PRDM13: variants seen among roughly 807,000 people sequenced by gnomAD.
PRDM13 encodes PR/SET domain 13.
A neutral mutation model predicts 36.4 loss-of-function variants in PRDM13; 15 were observed. The ratio of observed to expected loss-of-function variants is 0.41; its 90% CI spans 0.28 to 0.64. The LOEUF (loss-of-function observed/expected upper bound fraction) is 0.64. Ranked by LOEUF, PRDM13 falls within the 30% of genes least tolerant of loss-of-function variation. The probability of loss-of-function intolerance (pLI) is 0.29; values close to 1 mark genes in which losing one functional copy is unlikely to be tolerated. For synonymous variants in PRDM13, 531 were observed against 467.7 expected (o/e 1.14, Z -1.75); for missense variants, 1,044 against 1,013.5 (o/e 1.03, Z -0.41).
Position 99,614,639 on chromosome 6 carries a change from C to T in PRDM13, c.2004C>T (p.Ala668=), listed in dbSNP as rs564312646. 2 of 1,612,364 alleles carry T rather than the reference C, an allele frequency of 1.2e-6. No homozygotes were observed. The highest frequency in any genetic ancestry group is 1.3e-5 in the African/African-American group (1 of 75,042). The change falls in exon 4 of 4, where the codon GCC becomes GCT. Residue 668 remains alanine, a synonymous_variant. Coordinates refer to ENST00000369215, the MANE Select transcript of PRDM13 (RefSeq NM_021620.4). ...CCAAAGCGGGCGACGGCCCGGGTGC[C>T]GAGCCCGGCTATCCCCCGGAGCCTG... is the stretch of plus-strand genomic sequence containing the variant. ...LLAKAGDGPG[A]EPGYPPEPGD...
intron 1 of PRDM13, among the ~76,000 whole-genome samples, chr6:99,608,398 T>G (rs946666127): frequency 6.6e-6 from 1 of 152,188 alleles, no homozygotes; most frequent in Non-Finnish European, 1.5e-5. Context: ...GTGTTACGGC[T>G]GCTCTCAGAA....
chr6:99,614,514 A>C lies in PRDM13; in HGVS notation c.1879A>C (p.Asn627His), dbSNP rs542552328. Residue 627 changes from asparagine to histidine, a missense_variant, in exon 4 of 4, where the codon AAT becomes CAT. Coordinates refer to ENST00000369215, the MANE Select transcript of PRDM13 (RefSeq NM_021620.4). The stretch of plus-strand genomic sequence containing the variant: ...GCACATCCGGCTGCACGCCGAGGGC[A>C]ATACGCCCTACCGCTGCGAGTTCTG... ...NKHIRLHAEGNTPYRCEFCGK... is the reference protein window; with the variant it reads ...NKHIRLHAEGHTPYRCEFCGK... 10 of 1,613,242 alleles carry C rather than the reference A, an allele frequency of 6.2e-6. No homozygotes were observed. The highest frequency in any genetic ancestry group is 8.5e-6 in the Non-Finnish European group (10 of 1,179,998).
In PRDM13 at chr6:99,613,597, G is replaced by C; in HGVS notation, c.962G>C (p.Gly321Ala). 6.7e-7 allele frequency: 1 copy of C among 1,493,106 alleles called. No homozygotes were observed. The highest frequency in any genetic ancestry group is 1.3e-5 in the South Asian group (1 of 79,696). 92.5% of individuals were successfully genotyped at this position (1,493,106 alleles called of 1,614,324 possible). Residue 321 changes from glycine to alanine, a missense_variant, in exon 4 of 4, where the codon GGA becomes GCA. Transcript: ENST00000369215. This position sits in a 1 kb window ranked among gnomAD's most constrained non-coding sequence, Gnocchi z 6.1. ...PYREESSSKQGAGLALGRLLG... is the reference protein window; with the variant it reads ...PYREESSSKQAAGLALGRLLG... The stretch of plus-strand genomic sequence containing the variant: ...CGGGAGGAGAGCAGCAGCAAGCAAG[G>C]AGCCGGCCTCGCTTTGGGCAGGCTG...
chr6:99,613,079 C>A lies in PRDM13; in HGVS notation c.444C>A (p.Tyr148Ter), dbSNP rs1770055109. The change falls in exon 4 of 4, where the codon TAC becomes TAA. Residue 148 changes from tyrosine (Y) to a stop codon, truncating the protein, a stop_gained. Coordinates refer to ENST00000369215, the MANE Select transcript of PRDM13 (RefSeq NM_021620.4). LOFTEE classifies it low-confidence loss of function (END_TRUNC). The surrounding 1 kb of genome is among the most constrained non-coding windows in gnomAD (Gnocchi z 6.1). ...GGTACTGCTGGAGGACGTTTAGATA[C>A]CCCAACAGCCTTAAGGCACACCTGC... Reference protein sequence around the residue: ...ICWYCWRTFRYPNSLKAHLRF... With the variant: ...ICWYCWRTFR The A allele has an allele frequency of 1.3e-6, 2 of 1,524,626 alleles. No homozygotes were observed. Among genetic ancestry groups the A allele is most frequent in the South Asian group, 1.1e-5 (1 of 89,918 alleles). The allele number at this position is 1,524,626 out of a possible 1,614,324, so 94.4% of individuals were successfully genotyped here. A position where few individuals can be genotyped will look rare whatever the true frequency, so the allele number is the denominator to read the frequency against.
chr6:99,614,957 A>T lies in PRDM13; in HGVS notation c.*198A>T, dbSNP rs904715562. ...CAGAGCAACAGTTCAGAGGTGGCGT[A>T]AATCTGGCCACCTGGAGAGCTCGAG... On this transcript the variant is annotated 3_prime_UTR_variant, in exon 4 of 4. Coordinates refer to ENST00000369215, the MANE Select transcript of PRDM13 (RefSeq NM_021620.4). 1.3e-6 allele frequency: 1 copy of T among 764,334 alleles called. No homozygotes were observed. Among genetic ancestry groups the T allele is most frequent in the Non-Finnish European group, 2.0e-6 (1 of 496,644 alleles). The allele number at this position is 764,334 out of a possible 1,614,324, so 47.3% of individuals were successfully genotyped here.
intron 1 of PRDM13, among the ~76,000 whole-genome samples, chr6:99,608,213 C>T (rs747616858): frequency 2.6e-5 from 4 of 152,214 alleles, no homozygotes; most frequent in Non-Finnish European, 5.9e-5. Context: ...AATGGCCTGC[C>T]AGCTGCGGGC....
rs1473325295 is a variant in PRDM13, at chr6:99,614,645, C to G, written c.2010C>G (p.Pro670=). The change falls in exon 4 of 4, where the codon CCC becomes CCG. Residue 670 remains proline (P), a synonymous_variant. Coordinates refer to ENST00000369215, the MANE Select transcript of PRDM13 (RefSeq NM_021620.4). Reference sequence around the variant, plus strand: ...CGGGCGACGGCCCGGGTGCCGAGCCCGGCTATCCCCCGGAGCCTGGGGATC... The same window carrying G: ...CGGGCGACGGCCCGGGTGCCGAGCCGGGCTATCCCCCGGAGCCTGGGGATC... ...AKAGDGPGAE[P]GYPPEPGDPK... The G allele has an allele frequency of 1.2e-6, 2 of 1,612,352 alleles. No individual in the cohort carries two copies. The highest frequency in any genetic ancestry group is 1.3e-5 in the African/African-American group (1 of 75,046).
intron 2 of PRDM13, 61 bp from the exon 3 acceptor site, chr6:99,609,126 G>C: frequency 6.3e-7 from 1 of 1,583,054 alleles, no homozygotes; most frequent in Non-Finnish European, 8.6e-7. Flanking sequence ...TTTCTTCTCA[G>C]TTGCTTTTTG....
At chr6:99,609,006 C>A in intron 2 of PRDM13, 134 bp downstream of exon 2, 1 of 1,412,372 alleles carries the variant, frequency 7.1e-7, no homozygotes, top group Admixed American at 2.5e-5. Flanking sequence ...CTCGACAACC[C>A]TTTAAGGTAG....
intron 1 of PRDM13, among the ~76,000 whole-genome samples, chr6:99,607,800 C>T (rs1769970699): frequency 6.6e-6 from 1 of 152,172 alleles, no homozygotes; most frequent in Non-Finnish European, 1.5e-5. Flanking sequence ...CCCATTCGCG[C>T]GGGGCACAGG....
rs113426972 is a variant in PRDM13, at chr6:99,609,870, G to A, written c.397+563G>A. ...CACTGCATGCCAGCCTGGGTGACAA[G>A]TGAGACCCTGTCTCAAAATAAATAA... On this transcript the variant is annotated intron_variant, in intron 3 of 3. Transcript: ENST00000369215. 2.5e-3 allele frequency among the ~76,000 whole-genome samples: 374 copies of A among 151,612 alleles called. 2 individuals are homozygous for A. Among genetic ancestry groups the A allele is most frequent in the African/African-American group, 8.4e-3 (346 of 41,136 alleles).
chr6:99,607,118 T>C lies in PRDM13; in HGVS notation c.84T>C (p.Pro28=), dbSNP rs746668812. ...IPAGLRLGPV[P]GTFKLGKYLS... is the part of the protein sequence containing the mutation. ...CCGGCTTGCGCCTCGGACCGGTGCC[T>C]GGTACCTTCAAGCTGGGCAAGTACC... The change falls in exon 1 of 4, where the codon CCT becomes CCC. Residue 28 remains proline (P), a synonymous_variant. Coordinates refer to ENST00000369215, the MANE Select transcript of PRDM13 (RefSeq NM_021620.4). 4.3e-6 allele frequency: 7 copies of C among 1,613,730 alleles called. No individual in the cohort carries two copies. The highest frequency in any genetic ancestry group is 5.1e-6 in the Non-Finnish European group (6 of 1,180,026).
In PRDM13 at chr6:99,613,425, G is replaced by A. The variant is rs1770066390; in HGVS notation, c.790G>A (p.Ala264Thr). The change falls in exon 4 of 4, where the codon GCC (alanine) becomes ACC (threonine). Residue 264 changes from alanine to threonine, a missense_variant. Coordinates refer to ENST00000369215, the MANE Select transcript of PRDM13 (RefSeq NM_021620.4). The surrounding 1 kb of genome is among the most constrained non-coding windows in gnomAD (Gnocchi z 6.1). Reference sequence around the variant, plus strand: ...GGACCGTGCCCTGGACATGAGCGGAGCCGCCCGAGGACAAGGGCACTTCCT... The same window carrying A: ...GGACCGTGCCCTGGACATGAGCGGAACCGCCCGAGGACAAGGGCACTTCCT... ...QLDRALDMSG[A>T]ARGQGHFLGI... 3.2e-6 allele frequency: 5 copies of A among 1,552,168 alleles called. No homozygotes were observed. Among genetic ancestry groups the A allele is most frequent in the Non-Finnish European group, 4.3e-6 (5 of 1,156,964 alleles).
rs752925492 is a variant in PRDM13, at chr6:99,607,153, G to A, written c.119G>A (p.Arg40His). 6 of 1,613,804 alleles carry A rather than the reference G, an allele frequency of 3.7e-6. No homozygotes were observed. Among genetic ancestry groups the A allele is most frequent in the Middle Eastern group, 1.6e-4 (1 of 6,062 alleles). The change falls in exon 1 of 4, where the codon CGC becomes CAC. Residue 40 changes from arginine (R) to histidine (H), a missense_variant. Arg to His is a conservative substitution (Grantham distance 29). Around this residue, in one of 3 missense-constraint regions of PRDM13, gnomAD observed 921 missense variants for 865.2 expected, o/e 1.06. Transcript: ENST00000369215. The stretch of plus-strand genomic sequence containing the variant: ...AAGCTGGGCAAGTACCTGTCAGACC[G>A]CAGGGAGCCCGGGCCTAAGAAAAAG... ...TFKLGKYLSD[R>H]REPGPKKKVR...
At position 99,614,159 on chromosome 6, in the gene PRDM13, C is replaced by T; in HGVS notation, c.1524C>T (p.Ser508=). 6.2e-7 allele frequency: 1 copy of T among 1,600,784 alleles called. No individual in the cohort carries two copies. Residue 508 remains serine, a synonymous_variant, in exon 4 of 4, where the codon AGC becomes AGT. Coordinates refer to ENST00000369215, the MANE Select transcript of PRDM13 (RefSeq NM_021620.4). ...YFSGPAAAAL[S]PAELGSLASI... ...GCGGGCCTGCAGCGGCCGCCCTAAGCCCCGCCGAGCTGGGGTCGCTGGCCA... is the reference window on the plus strand; with the variant it reads ...GCGGGCCTGCAGCGGCCGCCCTAAGTCCCGCCGAGCTGGGGTCGCTGGCCA...
At position 99,609,215 on chromosome 6, in the gene PRDM13, A is replaced by C. The variant is rs1399457357; in HGVS notation, c.305A>C (p.Gln102Pro). The change falls in exon 3 of 4, where the codon CAG becomes CCG. Residue 102 changes from glutamine to proline, a missense_variant. By Grantham distance (76) the Gln-to-Pro change is moderately conservative. Coordinates refer to ENST00000369215, the MANE Select transcript of PRDM13 (RefSeq NM_021620.4). Reference sequence around the variant, plus strand: ...TTCTACCGAGCATTGCGAGACGTCCAGCCAGGGGAGGAGCTGACAGTGTGG... The same window carrying C: ...TTCTACCGAGCATTGCGAGACGTCCCGCCAGGGGAGGAGCTGACAGTGTGG... Reference protein sequence around the residue: ...QIFYRALRDVQPGEELTVWYS... With the variant: ...QIFYRALRDVPPGEELTVWYS... The C allele has an allele frequency of 6.2e-7, 1 of 1,613,690 alleles. No individual in the cohort carries two copies. Among genetic ancestry groups the C allele is most frequent in the South Asian group, 1.1e-5 (1 of 91,042 alleles).
Position 99,608,744 on chromosome 6 carries a change from C to CGCATGGT in PRDM13, c.150_156dup (p.Arg53HisfsTer63), listed in dbSNP as rs771476730. ...ACGACCACTGCTTGTGTTGCAGGTG[C>CGCATGGT]GCATGGTGAGAGGGGAGCTGGTGGA... On this transcript the variant is annotated frameshift_variant, in exon 2 of 4. Transcript: ENST00000369215. LOFTEE classifies it high-confidence loss of function. The CGCATGGT allele has an allele frequency of 6.2e-7, 1 of 1,605,200 alleles. No individual in the cohort carries two copies. Among genetic ancestry groups the CGCATGGT allele is most frequent in the South Asian group, 1.1e-5 (1 of 89,820 alleles).
Position 99,614,685 on chromosome 6 carries a change from A to G in PRDM13, c.2050A>G (p.Ser684Gly). The G allele has an allele frequency of 6.2e-7, 1 of 1,610,704 alleles. No individual in the cohort carries two copies. Among genetic ancestry groups the G allele is most frequent in the Non-Finnish European group, 8.5e-7 (1 of 1,178,714 alleles). ...GCCTGGGGATCCCAAGAGCGACGACAGTGACGTGGACGTCTGCTTCACAGA... is the reference window on the plus strand; with the variant it reads ...GCCTGGGGATCCCAAGAGCGACGACGGTGACGTGGACGTCTGCTTCACAGA... ...PEPGDPKSDD[S>G]DVDVCFTDDQ... Residue 684 changes from serine (S) to glycine (G), a missense_variant, in exon 4 of 4, where the codon AGT becomes GGT. Physicochemically the swap from Ser to Gly is moderately conservative, Grantham distance 56. Coordinates refer to ENST00000369215, the MANE Select transcript of PRDM13 (RefSeq NM_021620.4).
chr6:99,613,601 C>A lies in PRDM13; in HGVS notation c.966C>A (p.Ala322=). ...YREESSSKQG[A]GLALGRLLGG... is the part of the protein sequence containing the mutation. ...AGGAGAGCAGCAGCAAGCAAGGAGC[C>A]GGCCTCGCTTTGGGCAGGCTGCTGG... is the stretch of plus-strand genomic sequence containing the variant. The change falls in exon 4 of 4, where the codon GCC becomes GCA. Residue 322 remains alanine, a synonymous_variant. Transcript: ENST00000369215. The surrounding 1 kb of genome is among the most constrained non-coding windows in gnomAD (Gnocchi z 6.1). 6.7e-7 allele frequency: 1 copy of A among 1,491,288 alleles called. No individual in the cohort carries two copies. The highest frequency in any genetic ancestry group is 2.8e-5 in the East Asian group (1 of 35,936). 92.4% of individuals were successfully genotyped at this position (1,491,288 alleles called of 1,614,324 possible).
Sources: allele counts gnomAD v4.1 joint callset (sites outside exome capture counted in the v4.1 genomes callset), GRCh38; gene constraint gnomAD v4.1.1; regional missense constraint gnomAD v4.1.1; non-coding constraint Gnocchi (gnomAD v3.1); transcripts MANE v1.5; gene names NCBI Gene and HGNC (gene_info 2026-07-23, HGNC 2026-07-21).